The following EPHB4 variants were observed in gnomAD, a reference collection of about 807,000 sequenced individuals.
EPHB4 encodes the protein ephrin type-B receptor 4.
Under a neutral mutation model 110.6 loss-of-function variants are expected in EPHB4, and 50 were observed. That is an observed-to-expected ratio of 0.45 (90% CI 0.36 to 0.57). EPHB4 has a LOEUF of 0.57. Among genes scored for constraint, EPHB4 ranks in the 20% least tolerant of loss-of-function variants. The probability of loss-of-function intolerance (pLI) is 0.00; values close to 1 mark genes in which losing one functional copy is unlikely to be tolerated. For missense variants in EPHB4, 1,128 were observed against 1,382.1 expected (o/e 0.82, Z 2.91); for synonymous variants, 592 against 578.4 (o/e 1.02, Z -0.34).
chr7:100,805,191 C>T lies in EPHB4; in HGVS notation c.2809G>A (p.Glu937Lys), dbSNP rs1812789265. 11 of 1,613,126 alleles carry T rather than the reference C, an allele frequency of 6.8e-6. No homozygotes were observed. Among genetic ancestry groups the T allele is most frequent in the South Asian group, 2.2e-5 (2 of 90,794 alleles). The change falls in exon 16 of 17, where the codon GAG (glutamate) becomes AAG (lysine). Residue 937 changes from glutamate (E) to lysine (K), a missense_variant. Physicochemically the swap from Glu to Lys is moderately conservative, Grantham distance 56. Around this residue, in one of 3 missense-constraint regions of EPHB4, gnomAD observed 209 missense variants for 240.5 expected, o/e 0.87. Coordinates refer to ENST00000358173, the MANE Select transcript of EPHB4 (RefSeq NM_004444.5). ...TCAGCAGAGATCTGGCTGACCAGCT[C>T]GAAGGAGCCAAAGCCAGCGGCTGCG... ...SFAAAGFGSF[E>K]LVSQISAEDL...
chr7:100,806,645 C>G, intron 13 of EPHB4, 76 bp from the exon 14 acceptor site: 1 of 1,493,486 alleles, frequency 6.7e-7, no homozygotes, highest in Non-Finnish European at 9.0e-7. Context: ...GCCCCCCAGT[C>G]CCCCACCTGC....
chr7:100,819,178 T>A (rs552602745), intron 6 of EPHB4, among the ~76,000 whole-genome samples: 1 of 152,260 alleles, frequency 6.6e-6, no homozygotes, highest in Admixed American at 6.5e-5. Flanking sequence ...AGCGGTGCGA[T>A]CATAGCTCAC....
At chr7:100,816,419 C>A (rs1312122111) in intron 8 of EPHB4, among the ~76,000 whole-genome samples, 1 of 151,576 alleles carries the variant, frequency 6.6e-6, no homozygotes, top group Non-Finnish European at 1.5e-5. Flanking sequence ...CTGCAACCTC[C>A]ACCTCCCAGG....
intron 12 of EPHB4, 141 bp from the exon 13 acceptor site, chr7:100,807,721 A>C (rs1812848336): frequency 1.3e-6 from 1 of 785,018 alleles, no homozygotes; most frequent in African/African-American, 1.7e-5. Flanking sequence ...AGCTCACTGC[A>C]GCCTCAACCT....
rs1186176030 is a variant in EPHB4 at position 100,818,571 on chromosome 7, G to A, written c.1371C>T (p.Pro457=). Residue 457 remains proline, a synonymous_variant, in exon 7 of 17, where the codon CCC becomes CCT. Transcript: ENST00000358173. The part of the protein sequence containing the change: ...PSSLSLAWAV[P]RAPSGAVLDY... ...CCAGCACAGCCCCACTGGGTGCCCG[G>A]GGAACAGCCCAGGCCAGGCTCAAGC... 4.3e-6 allele frequency: 7 copies of A among 1,613,802 alleles called. No individual in the cohort carries two copies. Among genetic ancestry groups the A allele is most frequent in the Middle Eastern group, 3.3e-4 (2 of 6,084 alleles).
intron 12 of EPHB4, among the ~76,000 whole-genome samples, chr7:100,810,578 G>A (rs1159665410): frequency 1.3e-5 from 2 of 151,412 alleles, no homozygotes; most frequent in Non-Finnish European, 2.9e-5. Flanking sequence ...CCCCATCTCC[G>A]TAAAAAATTT....
Position 100,803,255 on chromosome 7 carries a change from C to T in EPHB4, c.*206G>A. ...AGGGAAAGGCGCCCTCACCCTTGGTCTGGAGTTCCCCGAGGTGGCTGGGGG... is the reference window on the plus strand; with the variant it reads ...AGGGAAAGGCGCCCTCACCCTTGGTTTGGAGTTCCCCGAGGTGGCTGGGGG... On this transcript the variant is annotated 3_prime_UTR_variant, in exon 17 of 17. Transcript: ENST00000358173. 1.8e-6 allele frequency: 1 copy of T among 546,916 alleles called. No individual in the cohort carries two copies. The highest frequency in any genetic ancestry group is 3.0e-6 in the Non-Finnish European group (1 of 336,498). 33.9% of individuals were successfully genotyped at this position (546,916 alleles called of 1,614,324 possible). A position where few individuals can be genotyped will look rare whatever the true frequency, so the allele number is the denominator to read the frequency against.
Position 100,826,959 on chromosome 7 carries a change from C to CT in EPHB4, c.52+19_52+20insA. ...GTCCCAGGAGTGACGGGGTGCGCCC[C>CT]CCCCCGCAAGGAAACTCACCTTCCA... On this transcript the variant is annotated intron_variant, in intron 1 of 16. Coordinates refer to ENST00000358173, the MANE Select transcript of EPHB4 (RefSeq NM_004444.5). 1 of 1,536,542 alleles carries CT rather than the reference C, an allele frequency of 6.5e-7. No homozygotes were observed. The highest frequency in any genetic ancestry group is 8.8e-7 in the Non-Finnish European group (1 of 1,138,720).
At position 100,807,407 on chromosome 7, in the gene EPHB4, G is replaced by A. The variant is rs371509217; in HGVS notation, c.2292C>T (p.Phe764=). 6.2e-7 allele frequency: 1 copy of A among 1,613,584 alleles called. No individual in the cohort carries two copies. The highest frequency in any genetic ancestry group is 8.5e-7 in the Non-Finnish European group (1 of 1,179,970). The change falls in exon 13 of 17, where the codon TTC becomes TTT. Residue 764 remains phenylalanine (F), a synonymous_variant. Transcript: ENST00000358173. ...TGGGATCGGAAGAGTTCTCCTCCAG[G>A]AATCGGGAAAGGCCAAAGTCAGACA... ...CKVSDFGLSR[F]LEENSSDPTY... is the part of the protein sequence containing the mutation.
chr7:100,806,463 A>G lies in EPHB4; in HGVS notation c.2441T>C (p.Met814Thr). ...CCAGTACGGCCTCTCCCCAAATGAC[A>G]TCACCTCCCACATCACAATCCCGTA... ...WSYGIVMWEV[M>T]SFGERPYWDM... The change falls in exon 14 of 17, where the codon ATG (methionine) becomes ACG (threonine). Residue 814 changes from methionine to threonine, a missense_variant. By Grantham distance (81) the Met-to-Thr change is moderately conservative. Coordinates refer to ENST00000358173, the MANE Select transcript of EPHB4 (RefSeq NM_004444.5). 3 of 1,614,002 alleles carry G rather than the reference A, an allele frequency of 1.9e-6. No individual in the cohort carries two copies. In the South Asian group the frequency reaches 3.3e-5, roughly 18 times the overall value.
At chr7:100,804,476 A>G (rs1812771348) in intron 16 of EPHB4, among the ~76,000 whole-genome samples, 1 of 151,672 alleles carries the variant, frequency 6.6e-6, no homozygotes, top group Non-Finnish European at 1.5e-5. Context: ...CACCATGCCC[A>G]GCTAATTTTT....
At chr7:100,810,997 C>T (rs1812919597) in intron 12 of EPHB4, among the ~76,000 whole-genome samples, 2 of 152,090 alleles carry the variant, frequency 1.3e-5, no homozygotes, top group South Asian at 4.2e-4. Flanking sequence ...TGCCTGTAAT[C>T]CCAGCACTTT....
At chr7:100,805,468 C>A (rs372777956) in intron 15 of EPHB4, 33 bp downstream of exon 15, 1 of 1,530,046 alleles carries the variant, frequency 6.5e-7, no homozygotes, top group South Asian at 1.3e-5. Context: ...GGGCAGAGAG[C>A]GGGAAGGAGG....
In EPHB4 at chr7:100,805,543, C is replaced by T. The variant is rs1244578543; in HGVS notation, c.2636G>A (p.Arg879Gln). 18 of 1,527,288 alleles carry T rather than the reference C, an allele frequency of 1.2e-5. No homozygotes were observed. The highest frequency in any genetic ancestry group is 1.4e-5 in the Non-Finnish European group (16 of 1,137,890). The allele number at this position is 1,527,288 out of a possible 1,614,324, so 94.6% of individuals were successfully genotyped here. The change falls in exon 15 of 17, where the codon CGG becomes CAG. Residue 879 changes from arginine (R) to glutamine (Q), a missense_variant. This residue lies in a region of EPHB4 where 209 missense variants were observed against 240.5 expected (regional missense o/e 0.87). Transcript: ENST00000358173. ...QVVSALDKMIRNPASLKIVAR... is the reference protein window; with the variant it reads ...QVVSALDKMIQNPASLKIVAR... ...CACGATTTTGAGGCTGGCGGGGTTC[C>T]GGATCATCTTGTCCAGGGCGCTGAC... is the stretch of plus-strand genomic sequence containing the variant.
In EPHB4 at chr7:100,822,150, G is replaced by T; in HGVS notation, c.808+121C>A. The T allele has an allele frequency of 7.3e-7, 1 of 1,365,542 alleles. No individual in the cohort carries two copies. The highest frequency in any genetic ancestry group is 9.7e-7 in the Non-Finnish European group (1 of 1,030,914). The allele number at this position is 1,365,542 out of a possible 1,614,324, so 84.6% of individuals were successfully genotyped here. A position where few individuals can be genotyped will look rare whatever the true frequency, so the allele number is the denominator to read the frequency against. On this transcript the variant is annotated intron_variant, in intron 4 of 16. Coordinates refer to ENST00000358173, the MANE Select transcript of EPHB4 (RefSeq NM_004444.5). The surrounding 1 kb of genome is among the most constrained non-coding windows in gnomAD (Gnocchi z 4.7). ...CCACTGCACTCCAGCCTGGGTGACA[G>T]AGCAAGCCTCCATTTCAACATCTAA...
At chr7:100,806,273 CTT>C in intron 14 of EPHB4, 145 bp downstream of exon 14, 2 of 1,058,826 alleles carry the variant, frequency 1.9e-6, no homozygotes, top group Non-Finnish European at 2.6e-6. Flanking sequence ...TATCTCAACT[CTT>C]TGATACAAAG....
intron 1 of EPHB4, 191 bp downstream of exon 1, chr7:100,826,788 G>A (rs2116472326): frequency 1.7e-6 from 1 of 579,868 alleles, no homozygotes. Flanking sequence ...CCAAACAAAA[G>A]AAAACTCCAC....
Position 100,827,075 on chromosome 7 carries a change from C to A in EPHB4, c.-45G>T. On this transcript the variant is annotated 5_prime_UTR_variant, in exon 1 of 17. Coordinates refer to ENST00000358173, the MANE Select transcript of EPHB4 (RefSeq NM_004444.5). The stretch of plus-strand genomic sequence containing the variant: ...AGGATCCGAACTGAGTTTGGGGGGC[C>A]CTCGCCCCCCCAGGTCTGACTCTCC... The A allele has an allele frequency of 6.5e-7, 1 of 1,548,096 alleles. No individual in the cohort carries two copies. The highest frequency in any genetic ancestry group is 8.7e-7 in the Non-Finnish European group (1 of 1,144,740).
chr7:100,813,824 G>A, intron 9 of EPHB4, 95 bp downstream of exon 9: 2 of 1,604,504 alleles, frequency 1.2e-6, no homozygotes, highest in Admixed American at 1.7e-5. Context: ...AGTAAAAAGA[G>A]GCTGGGGACA....
Sources: allele counts gnomAD v4.1 joint callset (sites outside exome capture counted in the v4.1 genomes callset), GRCh38; gene constraint gnomAD v4.1.1; regional missense constraint gnomAD v4.1.1; non-coding constraint Gnocchi (gnomAD v3.1); transcripts MANE v1.5; gene names NCBI Gene and HGNC (gene_info 2026-07-23, HGNC 2026-07-21).